Variants in ARID2 observed in about 807,000 individuals in gnomAD.
ARID2 encodes the protein AT-rich interaction domain 2.
Under a neutral mutation model 184.6 loss-of-function variants are expected in ARID2, and 32 were observed. The ratio of observed to expected loss-of-function variants is 0.17; its 90% confidence interval spans 0.13 to 0.23. The LOEUF is 0.23. Among genes scored for constraint, ARID2 ranks in the 10% least tolerant of loss-of-function variants. The pLI is 1.00. For synonymous variants in ARID2, 836 were observed against 772.6 expected (o/e 1.08, Z -1.36); for missense variants, 1,696 against 2,197.6 (o/e 0.77, Z 4.56).
intron 10 of ARID2, 48 bp downstream of exon 10, chr12:45,837,755 T>A (rs1943247474): frequency 4.5e-6 from 7 of 1,556,440 alleles, no homozygotes; most frequent in African/African-American, 1.4e-5. Context: ...AGTAAAAGTG[T>A]TTAATATGGT....
intron 3 of ARID2, among the ~76,000 whole-genome samples, chr12:45,778,154 C>T (rs986532150): frequency 2.6e-5 from 4 of 151,912 alleles, no homozygotes; most frequent in Non-Finnish European, 4.4e-5. Context: ...TGCAGTGAGC[C>T]GAGATTGCGC....
At chr12:45,836,263 G>A (rs1943218941) in intron 6 of ARID2, among the ~76,000 whole-genome samples, 2 of 152,176 alleles carry the variant, frequency 1.3e-5, no homozygotes. Flanking sequence ...AGGCTGGAGT[G>A]CAGTGGCACA....
intron 20 of ARID2, among the ~76,000 whole-genome samples, chr12:45,898,049 C>T (rs573664885): frequency 7.2e-5 from 11 of 152,048 alleles, no homozygotes; most frequent in African/African-American, 1.4e-4. Flanking sequence ...CCACCTGCCT[C>T]GGCCCCTCAA....
At chr12:45,768,681 A>G (rs574331782) in intron 3 of ARID2, among the ~76,000 whole-genome samples, 10 of 152,146 alleles carry the variant, frequency 6.6e-5, no homozygotes, top group Non-Finnish European at 1.3e-4. Flanking sequence ...TAGAAGGGCT[A>G]GTTTGCTGGA....
At chr12:45,828,230 C>T (rs1171750718) in intron 6 of ARID2, among the ~76,000 whole-genome samples, 2 of 151,956 alleles carry the variant, frequency 1.3e-5, no homozygotes, top group Non-Finnish European at 2.9e-5. Flanking sequence ...CCTTATTCTA[C>T]TTCTCTTTTT....
At chr12:45,787,132 C>T (rs1026789517) in intron 3 of ARID2, among the ~76,000 whole-genome samples, 6 of 151,796 alleles carry the variant, frequency 4.0e-5, no homozygotes, top group African/African-American at 1.5e-4. Flanking sequence ...TAAGTGCTTT[C>T]ACCACAAAAA....
chr12:45,787,455 G>A (rs976390960), intron 3 of ARID2, among the ~76,000 whole-genome samples: 26 of 151,576 alleles, frequency 1.7e-4, no homozygotes, highest in Admixed American at 1.6e-3. Flanking sequence ...GGCTGGTCTC[G>A]AACTCCTGGG....
rs543243420 is a variant in ARID2, at chr12:45,748,204, G to A, written c.284+16890G>A. Among the ~76,000 whole-genome samples, 33 of 152,148 alleles carry A rather than the reference G, an allele frequency of 2.2e-4. No homozygotes were observed. The South Asian group carries it at 6.0e-3, about 28-fold the overall frequency. Reference sequence around the variant, plus strand: ...TCAAGCTGCCTAGTGAGTTTGAGACGTAGTGAGACCCTGTCTCTACAAAAG... The same window carrying A: ...TCAAGCTGCCTAGTGAGTTTGAGACATAGTGAGACCCTGTCTCTACAAAAG... On this transcript the variant is annotated intron_variant, in intron 3 of 20. Coordinates refer to ENST00000334344, the MANE Select transcript of ARID2 (RefSeq NM_152641.4).
chr12:45,900,538 A>T (rs554566567), intron 20 of ARID2, among the ~76,000 whole-genome samples: 1 of 152,278 alleles, frequency 6.6e-6, no homozygotes, highest in South Asian at 2.1e-4. Context: ...CATTTTTAGA[A>T]TATTTTTTTC....
intron 3 of ARID2, among the ~76,000 whole-genome samples, chr12:45,782,304 AC>A (rs1942107706): frequency 6.6e-6 from 1 of 152,208 alleles, no homozygotes; most frequent in South Asian, 2.1e-4. Context: ...AAAATGAGAA[AC>A]CTGTAAAGTA....
chr12:45,784,786 G>A (rs966678542), intron 3 of ARID2, among the ~76,000 whole-genome samples: 2 of 152,168 alleles, frequency 1.3e-5, no homozygotes, highest in African/African-American at 4.8e-5. Context: ...CTAATTCCAG[G>A]CAGACCACAT....
intron 15 of ARID2, among the ~76,000 whole-genome samples, chr12:45,859,687 G>T (rs1162225160): frequency 1.3e-5 from 2 of 151,914 alleles, no homozygotes; most frequent in Non-Finnish European, 2.9e-5. Context: ...GGATCTAAAA[G>T]AAAAAAATTA....
intron 3 of ARID2, among the ~76,000 whole-genome samples, chr12:45,792,322 C>G (rs1392763742): frequency 6.6e-6 from 1 of 152,150 alleles, no homozygotes; most frequent in East Asian, 1.9e-4. Flanking sequence ...TCAAAATACA[C>G]TTCTTAATTT....
chr12:45,860,929 T>C lies in ARID2; in HGVS notation c.4902T>C (p.Cys1634=). 6.4e-7 allele frequency: 1 copy of C among 1,573,510 alleles called. No individual in the cohort carries two copies. The highest frequency in any genetic ancestry group is 8.6e-7 in the Non-Finnish European group (1 of 1,162,906). The change falls in exon 16 of 21, where the codon TGT becomes TGC. Residue 1634 remains cysteine (C), a synonymous_variant. Coordinates refer to ENST00000334344, the MANE Select transcript of ARID2 (RefSeq NM_152641.4). ...GAAAACCTGGACAGAACTTCATGTG[T>C]CTGTGGCAGTCTTGTAAAAAGTAAA... ...PMRKPGQNFM[C]LWQSCKKWFQ...
rs2138173088 is a variant in ARID2, at chr12:45,851,708, C to T, written c.3585C>T (p.Leu1195=). ...TGAGTCAGGGAAATGCAACTCAGCT[C>T]ATTGCTCCAGCAGGAATTACCATGA... ...ATVSQGNATQ[L]IAPAGITMSG... The change falls in exon 15 of 21, where the codon CTC becomes CTT. Residue 1195 remains leucine, a synonymous_variant. Coordinates refer to ENST00000334344, the MANE Select transcript of ARID2 (RefSeq NM_152641.4). 1 of 1,614,142 alleles carries T rather than the reference C, an allele frequency of 6.2e-7. No homozygotes were observed.
chr12:45,778,425 T>G (rs1942029323), intron 3 of ARID2, among the ~76,000 whole-genome samples: 1 of 152,172 alleles, frequency 6.6e-6, no homozygotes, highest in Admixed American at 6.5e-5. Flanking sequence ...AGAATATTCA[T>G]AAGTTGAATG....
intron 10 of ARID2, among the ~76,000 whole-genome samples, chr12:45,838,174 G>A (rs1294686420): frequency 1.3e-5 from 2 of 152,178 alleles, no homozygotes; most frequent in Admixed American, 6.5e-5. Flanking sequence ...TTAAAGCTAA[G>A]TGAAATATGT....
intron 3 of ARID2, among the ~76,000 whole-genome samples, chr12:45,757,849 T>C (rs762801674): frequency 8.5e-5 from 13 of 152,232 alleles, no homozygotes; most frequent in Non-Finnish European, 1.8e-4. Context: ...ATTAGATCTG[T>C]AAGTTGTTGA....
At chr12:45,784,799 G>A (rs1453051007) in intron 3 of ARID2, among the ~76,000 whole-genome samples, 7 of 152,168 alleles carry the variant, frequency 4.6e-5, no homozygotes, top group East Asian at 1.9e-4. Flanking sequence ...GACCACATAC[G>A]AAGAAAATAT....
Sources: gnomAD v4.1 joint callset for allele counts (sites outside exome capture counted in the v4.1 genomes callset) on GRCh38, gnomAD v4.1.1 for gene constraint, MANE v1.5 for transcripts, NCBI Gene and HGNC (gene_info 2026-07-23, HGNC 2026-07-21) for gene names.